Variants in CACNG3 observed in about 807,000 individuals in gnomAD.
CACNG3 encodes the protein calcium voltage-gated channel auxiliary subunit gamma 3, also known as voltage-dependent calcium channel gamma-3 subunit.
CACNG3 carries 3 observed loss-of-function variants against 28.5 expected under a neutral mutation model. That is an observed-to-expected ratio of 0.11 (90% CI 0.05 to 0.27). The LOEUF (loss-of-function observed/expected upper bound fraction) is 0.27, where lower values mean the gene tolerates loss of function less well. Ranked by LOEUF, CACNG3 falls within the 10% of genes least tolerant of loss-of-function variation. The pLI is 1.00. For missense variants in CACNG3, 236 were observed against 414.4 expected (o/e 0.57, Z 3.74); for synonymous variants, 174 against 162.2 (o/e 1.07, Z -0.55).
chr16:24,286,938 G>A (rs1226258823), intron 1 of CACNG3, among the ~76,000 whole-genome samples: 1 of 152,198 alleles, frequency 6.6e-6, no homozygotes, highest in Non-Finnish European at 1.5e-5. Context: ...AAGGAGGAAG[G>A]CTCCTGTGCA....
intron 1 of CACNG3, among the ~76,000 whole-genome samples, chr16:24,293,310 G>A (rs1898989181): frequency 6.6e-6 from 1 of 152,132 alleles, no homozygotes; most frequent in Non-Finnish European, 1.5e-5. Context: ...AGGAGAGGAT[G>A]GGTCTAGATG....
chr16:24,289,693 T>C (rs1416302526), intron 1 of CACNG3, among the ~76,000 whole-genome samples: 1 of 152,178 alleles, frequency 6.6e-6, no homozygotes, highest in African/African-American at 2.4e-5. Flanking sequence ...TTCCTAGCTG[T>C]GGGTAGCACA....
At chr16:24,300,056 G>A (rs1596633411) in intron 1 of CACNG3, among the ~76,000 whole-genome samples, 1 of 152,088 alleles carries the variant, frequency 6.6e-6, no homozygotes, top group Admixed American at 6.6e-5. Flanking sequence ...TGAAAGTACT[G>A]TCTGTACAAA....
intron 2 of CACNG3, among the ~76,000 whole-genome samples, chr16:24,352,959 G>C (rs191786639): frequency 1.8e-4 from 27 of 151,890 alleles, no homozygotes; most frequent in Non-Finnish European, 3.4e-4. Context: ...GGAACAAGAG[G>C]CCTCACTGTT....
intron 1 of CACNG3, among the ~76,000 whole-genome samples, chr16:24,341,237 GC>G (rs1371693935): frequency 1.3e-5 from 2 of 152,278 alleles, no homozygotes; most frequent in Non-Finnish European, 2.9e-5. Context: ...CTGGGAGCCA[GC>G]AATATGCTAC....
chr16:24,264,208 A>G (rs1481491995), intron 1 of CACNG3, among the ~76,000 whole-genome samples: 2 of 152,236 alleles, frequency 1.3e-5, no homozygotes, highest in Non-Finnish European at 2.9e-5. Flanking sequence ...ATGTTGCCCT[A>G]TACGAGGCTG....
intron 1 of CACNG3, among the ~76,000 whole-genome samples, chr16:24,264,926 T>G (rs1325555041): frequency 2.0e-5 from 3 of 152,158 alleles, no homozygotes; most frequent in Non-Finnish European, 4.4e-5. Context: ...TCACCATGCT[T>G]CATCTCAGAA....
chr16:24,256,689 G>A lies in CACNG3; in HGVS notation c.-66G>A, dbSNP rs892295887. 9.3e-6 allele frequency: 10 copies of A among 1,080,524 alleles called. No homozygotes were observed. The African/African-American group carries it at 1.2e-4, about 13-fold the overall frequency. 66.9% of individuals were successfully genotyped at this position (1,080,524 alleles called of 1,614,324 possible). A position where few individuals can be genotyped will look rare whatever the true frequency, so the allele number is the denominator to read the frequency against. On this transcript the variant is annotated 5_prime_UTR_variant, in exon 1 of 4. An upstream open reading frame in the 5' UTR loses its in-frame stop. Transcript: ENST00000005284. The surrounding 1 kb of genome is among the most constrained non-coding windows in gnomAD (Gnocchi z 4.6). ...GTACTAGGTTACCCGGCTGCAGAGT[G>A]ATTTTCCCCTCCGGCACTGACTCTC... is the stretch of plus-strand genomic sequence containing the variant.
chr16:24,259,324 G>T (rs1266638116), intron 1 of CACNG3, among the ~76,000 whole-genome samples: 1 of 152,226 alleles, frequency 6.6e-6, no homozygotes, highest in Non-Finnish European at 1.5e-5. Context: ...AACACATCAA[G>T]TGTTTGGGGA....
intron 1 of CACNG3, among the ~76,000 whole-genome samples, chr16:24,341,763 C>T (rs545306634): frequency 6.6e-6 from 1 of 152,206 alleles, no homozygotes; most frequent in Admixed American, 6.5e-5. Flanking sequence ...GGGTTGCAAA[C>T]TCAAATATCT....
chr16:24,335,618 G>T (rs545309616), intron 1 of CACNG3, among the ~76,000 whole-genome samples: 58 of 152,230 alleles, frequency 3.8e-4, no homozygotes, highest in Non-Finnish European at 6.3e-4. Flanking sequence ...GCAGAGCTGG[G>T]ATTCAAACCC....
At chr16:24,263,673 T>C (rs1415349752) in intron 1 of CACNG3, among the ~76,000 whole-genome samples, 1 of 152,166 alleles carries the variant, frequency 6.6e-6, no homozygotes, top group Non-Finnish European at 1.5e-5. Context: ...TTACCTACCC[T>C]CTGAGTGCTA....
At chr16:24,307,275 C>T (rs1054140620) in intron 1 of CACNG3, among the ~76,000 whole-genome samples, 1 of 152,148 alleles carries the variant, frequency 6.6e-6, no homozygotes, top group Non-Finnish European at 1.5e-5. Context: ...GCACACACCA[C>T]CATACCCAGC....
intron 1 of CACNG3, among the ~76,000 whole-genome samples, chr16:24,284,519 A>G (rs956594388): frequency 3.3e-5 from 5 of 151,990 alleles, no homozygotes; most frequent in Non-Finnish European, 7.4e-5. Context: ...TATTTTCTCA[A>G]CTTGTCTCCG....
intron 1 of CACNG3, among the ~76,000 whole-genome samples, chr16:24,312,647 C>G (rs1380570736): frequency 2.6e-5 from 4 of 151,904 alleles, no homozygotes; most frequent in Non-Finnish European, 5.9e-5. Context: ...AAGACTCTGT[C>G]TCTTAAAAAT....
intron 2 of CACNG3, 147 bp downstream of exon 2, chr16:24,346,964 A>G (rs527836962): frequency 1.6e-6 from 1 of 632,206 alleles, no homozygotes; most frequent in African/African-American, 1.8e-5. Context: ...ACACAGAGAC[A>G]CTCAAGTGGT....
intron 2 of CACNG3, among the ~76,000 whole-genome samples, chr16:24,351,620 A>AGG (rs1311789992): frequency 3.2e-4 from 22 of 68,340 alleles, no homozygotes; most frequent in African/African-American, 1.1e-3. Flanking sequence ...GGGAAGGGGA[A>AGG]GGAGGGGAAG....
chr16:24,352,494 G>T (rs1057281027), intron 2 of CACNG3, among the ~76,000 whole-genome samples: 7 of 151,794 alleles, frequency 4.6e-5, no homozygotes, highest in Non-Finnish European at 1.0e-4. Context: ...AGCTATGAAG[G>T]GCTTTTGCCT....
chr16:24,342,006 G>T (rs552649586), intron 1 of CACNG3, among the ~76,000 whole-genome samples: 1 of 152,216 alleles, frequency 6.6e-6, no homozygotes, highest in East Asian at 1.9e-4. Context: ...GGTGGCTCAC[G>T]CCTGTCATCC....
Sources: allele counts gnomAD v4.1 joint callset (sites outside exome capture counted in the v4.1 genomes callset), GRCh38; gene constraint gnomAD v4.1.1; non-coding constraint Gnocchi (gnomAD v3.1); transcripts MANE v1.5; gene names NCBI Gene and HGNC (gene_info 2026-07-23, HGNC 2026-07-21).